The following TENM1 variants were observed in gnomAD, a reference collection of about 807,000 sequenced individuals.
TENM1 encodes teneurin-1.
TENM1 carries 35 observed loss-of-function variants against 174.8 expected under a neutral mutation model. The ratio of observed to expected loss-of-function variants is 0.20; its 90% CI spans 0.15 to 0.27. TENM1 has a LOEUF of 0.27. TENM1 is among the 10% of genes least tolerant of loss of function. The pLI, the probability that TENM1 is intolerant of heterozygous loss-of-function variation, is 1.00. For missense variants in TENM1, 1,633 were observed against 2,130.1 expected, an observed-to-expected ratio of 0.77 and a Z score of 4.59; for synonymous variants, 781 against 798.7, an observed-to-expected ratio of 0.98 and a Z score of 0.37.
the TENM1 span, among the ~76,000 whole-genome samples, chrX:125,044,020 C>G: frequency 1.0e-4 from 3 of 28,613 alleles, no homozygotes; most frequent in Non-Finnish European, 1.8e-4. Flanking sequence ...GTGGTGGGGT[C>G]GGGGGAGGGG....
intron 23 of TENM1, among the ~76,000 whole-genome samples, chrX:124,423,213 T>C (rs1247997458): frequency 8.9e-6 from 1 of 112,497 alleles, no homozygotes; most frequent in African/African-American, 3.2e-5. Flanking sequence ...GCTATTAGCA[T>C]AGACCTAGCA....
At chrX:125,015,056 A>G in the TENM1 span, among the ~76,000 whole-genome samples, 1 of 111,077 alleles carries the variant, frequency 9.0e-6, no homozygotes, top group Non-Finnish European at 1.9e-5. Context: ...CTGGCCCACA[A>G]TAATGCTCTG....
At chrX:124,822,597 CCT>C (rs1434568247) in intron 3 of TENM1, among the ~76,000 whole-genome samples, 2 of 111,754 alleles carry the variant, frequency 1.8e-5, no homozygotes, top group Non-Finnish European at 3.8e-5. Flanking sequence ...GATTTTCTAA[CCT>C]CATATTATAA....
intron 11 of TENM1, among the ~76,000 whole-genome samples, chrX:124,616,093 C>T (rs1426441827): frequency 1.8e-5 from 2 of 112,732 alleles, no homozygotes; most frequent in African/African-American, 6.4e-5. Flanking sequence ...CTAAATGTTG[C>T]CTGCATGGCG....
the TENM1 span, among the ~76,000 whole-genome samples, chrX:124,978,009 AGAGAGAGAGAGAG>A: frequency 0.012 from 1,056 of 86,359 alleles, 20 homozygotes; most frequent in African/African-American, 0.045. Flanking sequence ...AGAGAGAGAG[AGAGAGAGAGAGAG>A]ATCTTTTTCC....
the TENM1 span, among the ~76,000 whole-genome samples, chrX:125,049,862 T>C: frequency 9.0e-6 from 1 of 110,668 alleles, no homozygotes; most frequent in Non-Finnish European, 1.9e-5. Flanking sequence ...AATTGCCTCA[T>C]TTCTTTTTTC....
intron 1 of TENM1, among the ~76,000 whole-genome samples, chrX:124,962,022 T>C (rs1254716118): frequency 9.0e-6 from 1 of 111,663 alleles, no homozygotes; most frequent in Non-Finnish European, 1.9e-5. Flanking sequence ...ATAGTAAGTA[T>C]GTGTGGTTGG....
At chrX:125,171,068 A>G in the TENM1 span, among the ~76,000 whole-genome samples, 1 of 110,999 alleles carries the variant, frequency 9.0e-6, no homozygotes, top group African/African-American at 3.3e-5. Context: ...TGTAGGAGTT[A>G]TTTTGTTTGT....
At chrX:124,404,661 GT>G (rs1165717629) in intron 27 of TENM1, among the ~76,000 whole-genome samples, 1 of 111,241 alleles carries the variant, frequency 9.0e-6, no homozygotes, top group African/African-American at 3.3e-5. Context: ...AGGGACCTCG[GT>G]CAACTCAGTG....
At chrX:125,163,134 T>C in the TENM1 span, among the ~76,000 whole-genome samples, 3 of 111,808 alleles carry the variant, frequency 2.7e-5, no homozygotes, top group African/African-American at 9.7e-5. Flanking sequence ...GGATGCTATA[T>C]AATGGATATA....
At chrX:124,457,866 T>C (rs1488548117) in intron 22 of TENM1, among the ~76,000 whole-genome samples, 3 of 112,218 alleles carry the variant, frequency 2.7e-5, no homozygotes, top group African/African-American at 9.7e-5. Flanking sequence ...ATTATTTCTA[T>C]ATAAAAAATG....
the TENM1 span, among the ~76,000 whole-genome samples, chrX:125,055,925 G>A: frequency 3.6e-5 from 4 of 111,560 alleles, no homozygotes; most frequent in Non-Finnish European, 5.7e-5. Context: ...AAACATTAGC[G>A]TCCTCCTATC....
intron 22 of TENM1, among the ~76,000 whole-genome samples, chrX:124,471,547 T>C (rs865817810): frequency 2.2e-5 from 1 of 45,205 alleles, no homozygotes. Flanking sequence ...AGTAATATAT[T>C]ATATATAATT....
chrX:124,900,240 C>A lies in TENM1; in HGVS notation c.218-3999G>T, dbSNP rs180794529. Among the ~76,000 whole-genome samples the A allele has an allele frequency of 1.9e-3, 213 of 112,003 alleles. 1 individual carries two copies. The highest frequency in any genetic ancestry group is 6.8e-3 in the African/African-American group (209 of 30,828). On this transcript the variant is annotated intron_variant, in intron 1 of 31. Transcript: ENST00000422452. ...AAAGGAATGGACTATTGATGCATAACAATGTTATGGACTTCAAAATGACTC... is the reference window on the plus strand; with the variant it reads ...AAAGGAATGGACTATTGATGCATAAAAATGTTATGGACTTCAAAATGACTC...
intron 4 of TENM1, among the ~76,000 whole-genome samples, chrX:124,714,158 T>C (rs988864640): frequency 9.0e-6 from 1 of 111,675 alleles, no homozygotes; most frequent in Non-Finnish European, 1.9e-5. Flanking sequence ...ATTATCTGCA[T>C]TTCATAGGTG....
chrX:125,019,844 ATAATAT>A, the TENM1 span, among the ~76,000 whole-genome samples: 1 of 111,497 alleles, frequency 9.0e-6, no homozygotes, highest in Non-Finnish European at 1.9e-5. Flanking sequence ...ATGGATAATT[ATAATAT>A]TAATTACAAT....
the TENM1 span, among the ~76,000 whole-genome samples, chrX:125,149,366 G>GT: frequency 2.7e-5 from 3 of 111,671 alleles, no homozygotes; most frequent in East Asian, 8.5e-4. Context: ...ATGGCACATT[G>GT]TATCTATCTA....
the TENM1 span, among the ~76,000 whole-genome samples, chrX:125,121,941 G>A: frequency 9.0e-6 from 1 of 111,570 alleles, no homozygotes; most frequent in African/African-American, 3.3e-5. Context: ...AGGTGTGGCG[G>A]CACATGCCTG....
the TENM1 span, among the ~76,000 whole-genome samples, chrX:125,091,709 C>T: frequency 1.8e-4 from 20 of 110,849 alleles, no homozygotes; most frequent in African/African-American, 6.2e-4. Flanking sequence ...TAGGAGAGGC[C>T]GGGCATGGTG....
Sources: gnomAD v4.1 joint callset for allele counts (sites outside exome capture counted in the v4.1 genomes callset) on GRCh38, gnomAD v4.1.1 for gene constraint, MANE v1.5 for transcripts, NCBI Gene and HGNC (gene_info 2026-07-23, HGNC 2026-07-21) for gene names.